PPM1H: variants seen among roughly 807,000 people sequenced by gnomAD.
PPM1H encodes the protein protein phosphatase, Mg2+/Mn2+ dependent 1H, also known as protein phosphatase 1H.
Under a neutral mutation model 54.9 loss-of-function variants are expected in PPM1H, and 27 were observed. The ratio of observed to expected loss-of-function variants is 0.49; its 90% CI spans 0.36 to 0.68. The LOEUF (loss-of-function observed/expected upper bound fraction) is 0.68, where lower values mean the gene tolerates loss of function less well. Among genes scored for constraint, PPM1H ranks in the 30% least tolerant of loss-of-function variants. PPM1H has a pLI of 0.00. For missense variants in PPM1H, 596 were observed against 667.8 expected, an observed-to-expected ratio of 0.89 and a Z score of 1.19; for synonymous variants, 305 against 270.8, an observed-to-expected ratio of 1.13 and a Z score of -1.24.
rs113623354 is a variant in PPM1H, at chr12:62,908,142, G to A, written c.245+26350C>T. On this transcript the variant is annotated intron_variant, in intron 1 of 9. Coordinates refer to ENST00000228705, the MANE Select transcript of PPM1H (RefSeq NM_020700.2). ...GAAATTGAGTTTTGCAGCTGGGTGC[G>A]GTGGCTCATGCCTATAATCCCAGCA... Among the ~76,000 whole-genome samples, 126 of 152,190 alleles carry A rather than the reference G, an allele frequency of 8.3e-4. 1 individual carries two copies. Among genetic ancestry groups the A allele is most frequent in the African/African-American group, 1.9e-3 (79 of 41,530 alleles).
At chr12:62,818,580 G>A (rs2076883884) in intron 2 of PPM1H, among the ~76,000 whole-genome samples, 1 of 151,848 alleles carries the variant, frequency 6.6e-6, no homozygotes, top group South Asian at 2.1e-4. Flanking sequence ...TTCTTTCCTG[G>A]CCACCCATCC....
chr12:62,663,334 T>TAA (rs71967486), intron 9 of PPM1H, among the ~76,000 whole-genome samples: 50,517 of 149,534 alleles, frequency 0.34, 9,982 homozygotes, highest in Middle Eastern at 0.51. Flanking sequence ...AATTCTCTTT[T>TAA]AAAAAAAAAA....
chr12:62,741,813 T>C (rs1274553436), intron 4 of PPM1H, among the ~76,000 whole-genome samples: 2 of 152,134 alleles, frequency 1.3e-5, no homozygotes, highest in South Asian at 4.1e-4. Flanking sequence ...TGCTTGCTGA[T>C]GGATAAGTGG....
rs2136589155 is a variant in PPM1H, at chr12:62,647,585, T to C, written c.*904A>G. 1 of 151,660 alleles carries C rather than the reference T, an allele frequency of 6.6e-6. No homozygotes were observed. The highest frequency in any genetic ancestry group is 1.5e-5 in the Non-Finnish European group (1 of 68,094). The allele number at this position is 151,660 out of a possible 1,614,324, so 9.4% of individuals were successfully genotyped here. A position where few individuals can be genotyped will look rare whatever the true frequency, so the allele number is the denominator to read the frequency against. On this transcript the variant is annotated 3_prime_UTR_variant, in exon 10 of 10. Coordinates refer to ENST00000228705, the MANE Select transcript of PPM1H (RefSeq NM_020700.2). ...CCATTCCAGAAATGAAAATCCAGAC[T>C]CTCACAGAGAACCCTTGAGCCACAC...
intron 1 of PPM1H, among the ~76,000 whole-genome samples, chr12:62,867,565 T>C (rs866379189): frequency 3.2e-5 from 1 of 31,526 alleles, no homozygotes; most frequent in South Asian, 1.8e-3. Flanking sequence ...ATGAGCACTA[T>C]TTTTTTTTTT....
intron 1 of PPM1H, among the ~76,000 whole-genome samples, chr12:62,877,490 G>A (rs1410576744): frequency 2.6e-5 from 4 of 152,142 alleles, no homozygotes; most frequent in Non-Finnish European, 5.9e-5. Flanking sequence ...ACGCGATACG[G>A]TAATAGTAAT....
intron 9 of PPM1H, among the ~76,000 whole-genome samples, chr12:62,653,552 T>C (rs1337545181): frequency 2.0e-5 from 3 of 152,254 alleles, no homozygotes; most frequent in Non-Finnish European, 4.4e-5. Flanking sequence ...AAACTTGTTC[T>C]GTTACACCCA....
intron 2 of PPM1H, among the ~76,000 whole-genome samples, chr12:62,825,574 T>A (rs557125988): frequency 6.6e-6 from 1 of 152,172 alleles, no homozygotes; most frequent in African/African-American, 2.4e-5. Flanking sequence ...TGAGTTCATG[T>A]CCTTTGCAGG....
In PPM1H at chr12:62,907,976, A is replaced by T. The variant is rs144439969; in HGVS notation, c.245+26516T>A. On this transcript the variant is annotated intron_variant, in intron 1 of 9. Coordinates refer to ENST00000228705, the MANE Select transcript of PPM1H (RefSeq NM_020700.2). ...AACATCAATTAAGATAATTTTTAAAAGCTCAAGGCAGAAAAGAAATTAACA... is the reference window on the plus strand; with the variant it reads ...AACATCAATTAAGATAATTTTTAAATGCTCAAGGCAGAAAAGAAATTAACA... Among the ~76,000 whole-genome samples, 3 of 152,362 alleles carry T rather than the reference A, an allele frequency of 2.0e-5. No homozygotes were observed. The East Asian group carries it at 5.8e-4, about 29-fold the overall frequency.
intron 3 of PPM1H, among the ~76,000 whole-genome samples, chr12:62,793,593 G>A (rs779817023): frequency 5.3e-5 from 8 of 151,910 alleles, no homozygotes; most frequent in Non-Finnish European, 1.0e-4. Context: ...GTGTGATGGC[G>A]CATGCTTGTA....
At chr12:62,895,623 T>A (rs1565822622) in intron 1 of PPM1H, among the ~76,000 whole-genome samples, 1 of 152,166 alleles carries the variant, frequency 6.6e-6, no homozygotes, top group African/African-American at 2.4e-5. Context: ...TGGGAGCAGA[T>A]CCCTCACAAA....
intron 1 of PPM1H, among the ~76,000 whole-genome samples, chr12:62,848,660 C>T (rs1869064579): frequency 6.6e-6 from 1 of 152,154 alleles, no homozygotes; most frequent in Non-Finnish European, 1.5e-5. Flanking sequence ...TTGCACTGGC[C>T]TGGATGAATC....
intron 6 of PPM1H, among the ~76,000 whole-genome samples, chr12:62,695,789 T>G (rs1043382364): frequency 6.6e-6 from 1 of 152,120 alleles, no homozygotes; most frequent in Non-Finnish European, 1.5e-5. Context: ...CTTATCAGCT[T>G]GACCCTTAAG....
chr12:62,686,341 AGAAGGAG>A (rs2076051550), intron 8 of PPM1H, among the ~76,000 whole-genome samples: 1 of 152,242 alleles, frequency 6.6e-6, no homozygotes, highest in African/African-American at 2.4e-5. Context: ...AGGGAGGTGG[AGAAGGAG>A]GTTTTTACTT....
At chr12:62,912,602 T>C (rs699586) in intron 1 of PPM1H, among the ~76,000 whole-genome samples, 49,970 of 152,134 alleles carry the variant, frequency 0.33, 9,837 homozygotes, top group Non-Finnish European at 0.45. Context: ...TCTACTATGA[T>C]ATCCCAGAAG....
chr12:62,662,119 G>A (rs55841340), intron 9 of PPM1H, among the ~76,000 whole-genome samples: 26,150 of 152,200 alleles, frequency 0.17, 2,563 homozygotes, highest in Middle Eastern at 0.24. Context: ...GCATGTGCAC[G>A]CTGCCCACAG....
intron 2 of PPM1H, among the ~76,000 whole-genome samples, chr12:62,812,328 A>C (rs1179993966): frequency 6.9e-6 from 1 of 144,752 alleles, no homozygotes; most frequent in African/African-American, 2.8e-5. Flanking sequence ...TTGACATAAT[A>C]CCTTCAAAAT....
chr12:62,717,394 A>G (rs950422728), intron 6 of PPM1H, among the ~76,000 whole-genome samples: 1 of 152,110 alleles, frequency 6.6e-6, no homozygotes, highest in African/African-American at 2.4e-5. Context: ...GTGAAGTTCT[A>G]TACAATTAAA....
intron 1 of PPM1H, among the ~76,000 whole-genome samples, chr12:62,852,316 C>T (rs564471323): frequency 4.6e-5 from 7 of 151,158 alleles, no homozygotes; most frequent in African/African-American, 1.7e-4. Flanking sequence ...GGATTGGTGC[C>T]TTTATAAGAG....
Sources: allele counts gnomAD v4.1 joint callset (sites outside exome capture counted in the v4.1 genomes callset), GRCh38; gene constraint gnomAD v4.1.1; transcripts MANE v1.5; gene names NCBI Gene and HGNC (gene_info 2026-07-23, HGNC 2026-07-21).